The following TMEM131L variants were observed in gnomAD, a reference collection of about 807,000 sequenced individuals.
TMEM131L encodes the protein transmembrane protein 131-like.
Under a neutral mutation model 192.2 loss-of-function variants are expected in TMEM131L, and 54 were observed. The ratio of observed to expected loss-of-function variants is 0.28; its 90% CI spans 0.23 to 0.35. The LOEUF is 0.35. Ranked by LOEUF, TMEM131L falls within the 10% of genes least tolerant of loss-of-function variation. TMEM131L has a pLI of 1.00. For synonymous variants in TMEM131L, 701 were observed against 704.9 expected (o/e 0.99, Z 0.09); for missense variants, 1,888 against 1,972.9 (o/e 0.96, Z 0.82).
At chr4:153,534,419 G>C (rs531975838) in intron 3 of TMEM131L, among the ~76,000 whole-genome samples, 1 of 151,962 alleles carries the variant, frequency 6.6e-6, no homozygotes, top group South Asian at 2.1e-4. Context: ...TTTGAAGGAG[G>C]TGGAGGATTT....
intron 29 of TMEM131L, among the ~76,000 whole-genome samples, chr4:153,625,640 A>T (rs553595710): frequency 6.6e-6 from 1 of 152,168 alleles, no homozygotes; most frequent in African/African-American, 2.4e-5. Context: ...ATATACACAC[A>T]CATAAAGGAG....
intron 29 of TMEM131L, among the ~76,000 whole-genome samples, chr4:153,624,162 C>T (rs1039124251): frequency 1.0e-4 from 15 of 150,412 alleles, no homozygotes; most frequent in East Asian, 7.8e-4. Context: ...TCTGTTGCCC[C>T]GGCTGGAGTG....
intron 3 of TMEM131L, among the ~76,000 whole-genome samples, chr4:153,547,142 G>GA (rs894144770): frequency 2.0e-5 from 3 of 151,592 alleles, no homozygotes; most frequent in Non-Finnish European, 4.4e-5. Context: ...GACTCTTAGA[G>GA]AAAAAAAAAT....
rs746841498 is a variant in TMEM131L at position 153,596,260 on chromosome 4, T to C, written c.1998T>C (p.Gly666=). ...TGGTTTAATTTGTTAATTTGCAGGG[T>C]ACGCATTCTGAGGAATCCAGGTTTG... ...FQLTEACPYL[G]THSEESRFGI... The change falls in exon 20 of 35, where the codon GGT becomes GGC. Residue 666 remains glycine (G), a splice_region_variant and synonymous_variant. Coordinates refer to ENST00000409959, the MANE Select transcript of TMEM131L (RefSeq NM_001131007.2). 1.2e-6 allele frequency: 2 copies of C among 1,613,750 alleles called. No individual in the cohort carries two copies. The highest frequency in any genetic ancestry group is 8.5e-7 in the Non-Finnish European group (1 of 1,179,714).
intron 9 of TMEM131L, among the ~76,000 whole-genome samples, chr4:153,582,420 G>GTTTTTTTGTTT (rs1730402406): frequency 2.4e-5 from 2 of 81,844 alleles, no homozygotes; most frequent in African/African-American, 5.5e-5. Flanking sequence ...AATTTAAACC[G>GTTTTTTTGTTT]TTTTTTTTTG....
chr4:153,510,289 A>ACATGCAGG (rs1413083381), intron 3 of TMEM131L, among the ~76,000 whole-genome samples: 1 of 152,162 alleles, frequency 6.6e-6, no homozygotes, highest in African/African-American at 2.4e-5. Context: ...GTTTCAAGGG[A>ACATGCAGG]CATGCAGGCA....
At chr4:153,485,476 A>C (rs1732267109) in intron 3 of TMEM131L, among the ~76,000 whole-genome samples, 1 of 152,232 alleles carries the variant, frequency 6.6e-6, no homozygotes, top group South Asian at 2.1e-4. Flanking sequence ...GGTGGATCCC[A>C]GAGAATAGCC....
chr4:153,636,443 T>C lies in TMEM131L; in HGVS notation c.4700T>C (p.Val1567Ala). Residue 1567 changes from valine to alanine, a missense_variant, in exon 35 of 35, where the codon GTC becomes GCC. Val to Ala is a moderately conservative substitution (Grantham distance 64, BLOSUM62 0). Coordinates refer to ENST00000409959, the MANE Select transcript of TMEM131L (RefSeq NM_001131007.2). The part of the protein sequence containing the change: ...EHSTHMENQA[V>A]VCKEYYPGFN... ...TCGACCCACATGGAAAACCAAGCGG[T>C]CGTGTGCAAGGAATACTACCCGGGG... The C allele has an allele frequency of 6.2e-7, 1 of 1,614,128 alleles. No individual in the cohort carries two copies. The highest frequency in any genetic ancestry group is 1.1e-5 in the South Asian group (1 of 91,088).
At chr4:153,602,874 G>A (rs1314163432) in intron 23 of TMEM131L, 147 bp downstream of exon 23, 32 of 722,862 alleles carry the variant, frequency 4.4e-5, no homozygotes, top group Non-Finnish European at 6.3e-5. Context: ...CATCCATGAA[G>A]TATTCACTGG....
intron 2 of TMEM131L, among the ~76,000 whole-genome samples, chr4:153,468,930 A>G (rs1046465678): frequency 6.6e-6 from 1 of 152,242 alleles, no homozygotes; most frequent in African/African-American, 2.4e-5. Context: ...GACTAAAAGG[A>G]AAGTAAATTA....
chr4:153,475,113 A>G (rs1174753955), intron 3 of TMEM131L, among the ~76,000 whole-genome samples: 7 of 152,158 alleles, frequency 4.6e-5, no homozygotes, highest in South Asian at 2.1e-4. Flanking sequence ...CCCAGCCCCA[A>G]TCCTGCTGTT....
At chr4:153,487,873 CAA>C (rs998319238) in intron 3 of TMEM131L, among the ~76,000 whole-genome samples, 6 of 137,792 alleles carry the variant, frequency 4.4e-5, no homozygotes, top group African/African-American at 1.7e-4. Context: ...GTGAGAGAGA[CAA>C]AGAGACAGAC....
chr4:153,573,505 A>G (rs1047090319), intron 7 of TMEM131L, among the ~76,000 whole-genome samples: 1 of 152,218 alleles, frequency 6.6e-6, no homozygotes, highest in Non-Finnish European at 1.5e-5. Flanking sequence ...TGAAAATCCC[A>G]CATGGCTCTG....
At chr4:153,511,213 A>T (rs1477160147) in intron 3 of TMEM131L, among the ~76,000 whole-genome samples, 1 of 152,246 alleles carries the variant, frequency 6.6e-6, no homozygotes. Context: ...TCACAGTAGC[A>T]GAGACATGGA....
intron 7 of TMEM131L, among the ~76,000 whole-genome samples, chr4:153,567,243 A>T (rs973438839): frequency 2.0e-5 from 3 of 152,220 alleles, no homozygotes; most frequent in African/African-American, 7.2e-5. Context: ...ATAACAGAGA[A>T]AGGTTAAGGG....
intron 7 of TMEM131L, among the ~76,000 whole-genome samples, chr4:153,570,711 G>A (rs78670556): frequency 1.3e-5 from 2 of 152,292 alleles, no homozygotes; most frequent in African/African-American, 4.8e-5. Flanking sequence ...GGGCAGTGAC[G>A]TTGAGATCTG....
chr4:153,621,791 G>A lies in TMEM131L; in HGVS notation c.3801G>A (p.Glu1267=), dbSNP rs751689494. The A allele has an allele frequency of 3.7e-6, 6 of 1,614,156 alleles. No individual in the cohort carries two copies. The highest frequency in any genetic ancestry group is 2.2e-5 in the East Asian group (1 of 44,880). ...RSWCIQESTR[E]VCKADAEIAS... is the part of the protein sequence containing the mutation. Reference sequence around the variant, plus strand: ...GGTGTATACAGGAAAGCACTAGGGAGGTTTGTAAAGCAGATGCCGAAATTG... The same window carrying A: ...GGTGTATACAGGAAAGCACTAGGGAAGTTTGTAAAGCAGATGCCGAAATTG... Residue 1267 remains glutamate (E), a synonymous_variant, in exon 28 of 35, where the codon GAG becomes GAA. Coordinates refer to ENST00000409959, the MANE Select transcript of TMEM131L (RefSeq NM_001131007.2).
intron 3 of TMEM131L, among the ~76,000 whole-genome samples, chr4:153,504,712 A>G (rs1487058594): frequency 6.6e-6 from 1 of 152,238 alleles, no homozygotes; most frequent in African/African-American, 2.4e-5. Context: ...AAAATTTTAT[A>G]AGTCTCTTAA....
At chr4:153,558,099 G>A (rs1728605760) in intron 6 of TMEM131L, among the ~76,000 whole-genome samples, 159 bp from the exon 7 acceptor site, 2 of 152,208 alleles carry the variant, frequency 1.3e-5, no homozygotes, top group African/African-American at 2.4e-5. Flanking sequence ...AACATTCATT[G>A]TGTTTTTTGT....
Sources: gnomAD v4.1 joint callset for allele counts (sites outside exome capture counted in the v4.1 genomes callset) on GRCh38, gnomAD v4.1.1 for gene constraint, MANE v1.5 for transcripts, NCBI Gene and HGNC (gene_info 2026-07-23, HGNC 2026-07-21) for gene names.